The following VAV3 variants were observed in gnomAD, a reference collection of about 807,000 sequenced individuals.
VAV3 encodes vav guanine nucleotide exchange factor 3, also known as guanine nucleotide exchange factor VAV3.
A neutral mutation model predicts 131.2 loss-of-function variants in VAV3; 94 were observed. The observed-to-expected ratio is 0.72, with a 90% CI of 0.61 to 0.85. The LOEUF (loss-of-function observed/expected upper bound fraction) is 0.85. VAV3 is among the 40% of genes least tolerant of loss of function. VAV3 has a pLI of 0.00. For missense variants in VAV3, 939 were observed against 1,002.7 expected, an observed-to-expected ratio of 0.94 and a Z score of 0.86; for synonymous variants, 349 against 342.0, an observed-to-expected ratio of 1.02 and a Z score of -0.22.
chr1:107,954,449 A>G (rs1226233550), intron 1 of VAV3, among the ~76,000 whole-genome samples: 1 of 151,796 alleles, frequency 6.6e-6, no homozygotes, highest in Non-Finnish European at 1.5e-5. Context: ...CCCATTATAT[A>G]CCTGTCAAAA....
intron 2 of VAV3, among the ~76,000 whole-genome samples, chr1:107,779,953 C>T (rs1157154245): frequency 6.6e-6 from 1 of 152,204 alleles, no homozygotes; most frequent in Non-Finnish European, 1.5e-5. Flanking sequence ...AGTAGCCACA[C>T]ACATGTGGCC....
Position 107,890,759 on chromosome 1 carries a change from T to A in VAV3, c.205-15742A>T, listed in dbSNP as rs1019612097. The stretch of plus-strand genomic sequence containing the variant: ...CCCCCAACTCTAGTAAATACCTTAA[T>A]TTCTGTGCTCTGCAAATCTGCACCA... On this transcript the variant is annotated intron_variant, in intron 1 of 26. Coordinates refer to ENST00000370056, the MANE Select transcript of VAV3 (RefSeq NM_006113.5). 5.3e-5 allele frequency among the ~76,000 whole-genome samples: 8 copies of A among 152,246 alleles called. No homozygotes were observed. The East Asian group carries it at 1.5e-3, about 29-fold the overall frequency.
At chr1:107,743,763 C>T (rs968303502) in intron 15 of VAV3, among the ~76,000 whole-genome samples, 2 of 152,104 alleles carry the variant, frequency 1.3e-5, no homozygotes, top group African/African-American at 4.8e-5. Context: ...ATGTGAGAAA[C>T]ATGCTTTTTG....
At chr1:107,642,948 A>T (rs921054944) in intron 19 of VAV3, among the ~76,000 whole-genome samples, 193 bp from the exon 20 acceptor site, 2 of 152,162 alleles carry the variant, frequency 1.3e-5, no homozygotes, top group African/African-American at 2.4e-5. Flanking sequence ...AATAAGACAC[A>T]TATTTATCCC....
At chr1:107,686,281 G>A (rs1308288157) in intron 18 of VAV3, among the ~76,000 whole-genome samples, 1 of 152,092 alleles carries the variant, frequency 6.6e-6, no homozygotes, top group Non-Finnish European at 1.5e-5. Flanking sequence ...TCTGTGGCTA[G>A]TGAAAACTGA....
chr1:107,583,782 C>T (rs1017998127), intron 25 of VAV3, among the ~76,000 whole-genome samples: 2 of 152,134 alleles, frequency 1.3e-5, no homozygotes, highest in Non-Finnish European at 2.9e-5. Context: ...AAGAACATTC[C>T]ATGTTCATGG....
chr1:107,756,491 A>G (rs376807471), intron 11 of VAV3, among the ~76,000 whole-genome samples: 9 of 152,188 alleles, frequency 5.9e-5, no homozygotes, highest in African/African-American at 2.2e-4. Context: ...ACAATCAGCC[A>G]AACAGCGAAG....
At chr1:107,656,339 A>G (rs2101598976) in intron 19 of VAV3, among the ~76,000 whole-genome samples, 1 of 152,330 alleles carries the variant, frequency 6.6e-6, no homozygotes, top group African/African-American at 2.4e-5. Context: ...GGAGGTTATT[A>G]TGTTAAGTAA....
chr1:107,906,090 A>T (rs921771883), intron 1 of VAV3, among the ~76,000 whole-genome samples: 31 of 152,294 alleles, frequency 2.0e-4, no homozygotes, highest in African/African-American at 7.2e-4. Context: ...CAATTACCTA[A>T]GGTCTTCCTG....
intron 20 of VAV3, among the ~76,000 whole-genome samples, chr1:107,626,262 T>C (rs1280600391): frequency 6.6e-6 from 1 of 152,226 alleles, no homozygotes; most frequent in Non-Finnish European, 1.5e-5. Context: ...GTTTATGATC[T>C]ATTTAATCAA....
intron 1 of VAV3, among the ~76,000 whole-genome samples, chr1:107,905,485 C>T (rs549830663): frequency 6.6e-6 from 1 of 152,186 alleles, no homozygotes; most frequent in Admixed American, 6.5e-5. Flanking sequence ...ACATAGTAGA[C>T]CCATGGTAAC....
intron 20 of VAV3, among the ~76,000 whole-genome samples, chr1:107,621,311 A>T (rs1185010797): frequency 1.3e-5 from 2 of 152,134 alleles, no homozygotes; most frequent in Non-Finnish European, 2.9e-5. Context: ...AGTTACAATT[A>T]CTTACTAATT....
chr1:107,892,448 G>C (rs1006883919), intron 1 of VAV3, among the ~76,000 whole-genome samples: 1 of 152,136 alleles, frequency 6.6e-6, no homozygotes, highest in Non-Finnish European at 1.5e-5. Context: ...TAACCTGAAG[G>C]AGTTGTACAA....
chr1:107,927,268 T>C (rs1571152034), intron 1 of VAV3, among the ~76,000 whole-genome samples: 1 of 152,242 alleles, frequency 6.6e-6, no homozygotes, highest in African/African-American at 2.4e-5. Flanking sequence ...TAAAGTGCCC[T>C]TGGTCCCTGA....
intron 1 of VAV3, among the ~76,000 whole-genome samples, chr1:107,915,158 A>G (rs144875096): frequency 7.9e-4 from 121 of 152,356 alleles, no homozygotes; most frequent in African/African-American, 2.7e-3. Context: ...ACTTAATCCA[A>G]TAGGCCCAAA....
At chr1:107,685,494 T>C (rs1419884138) in intron 18 of VAV3, among the ~76,000 whole-genome samples, 2 of 152,180 alleles carry the variant, frequency 1.3e-5, no homozygotes, top group Admixed American at 6.5e-5. Flanking sequence ...ACAAAGTAAT[T>C]CTTCTACTCT....
At chr1:107,867,880 G>A (rs1269651221) in intron 2 of VAV3, among the ~76,000 whole-genome samples, 1 of 152,182 alleles carries the variant, frequency 6.6e-6, no homozygotes, top group African/African-American at 2.4e-5. Context: ...ATGTGACCCA[G>A]GCTTGCTGAC....
intron 1 of VAV3, among the ~76,000 whole-genome samples, chr1:107,960,465 C>CAA (rs61022558): frequency 5.0e-5 from 7 of 140,780 alleles, no homozygotes; most frequent in Admixed American, 7.3e-5. Flanking sequence ...GACTCCGTCT[C>CAA]AAAAAAAAAA....
At chr1:107,839,702 C>G (rs1203124775) in intron 2 of VAV3, among the ~76,000 whole-genome samples, 1 of 151,964 alleles carries the variant, frequency 6.6e-6, no homozygotes, top group Non-Finnish European at 1.5e-5. Flanking sequence ...AAATTGGAAA[C>G]AGGTAAACAA....
Sources: gnomAD v4.1 joint callset for allele counts (sites outside exome capture counted in the v4.1 genomes callset) on GRCh38, gnomAD v4.1.1 for gene constraint, MANE v1.5 for transcripts, NCBI Gene and HGNC (gene_info 2026-07-23, HGNC 2026-07-21) for gene names.